The following PARD3B variants were observed in gnomAD, a reference collection of about 807,000 sequenced individuals.
PARD3B encodes the protein par-3 family cell polarity regulator beta.
In PARD3B, 103 loss-of-function variants were observed where a neutral mutation model predicts 130.2. The ratio of observed to expected loss-of-function variants is 0.79; its 90% CI spans 0.67 to 0.93. The LOEUF (loss-of-function observed/expected upper bound fraction) is 0.93. PARD3B is among the 40% of genes least tolerant of loss of function. The probability of loss-of-function intolerance (pLI) is 0.00; values close to 1 mark genes in which losing one functional copy is unlikely to be tolerated. For missense variants in PARD3B, 1,609 were observed against 1,499.2 expected (o/e 1.07, Z -1.21); for synonymous variants, 583 against 553.2 (o/e 1.05, Z -0.76).
At chr2:204,743,494 C>G (rs1409963889) in intron 2 of PARD3B, among the ~76,000 whole-genome samples, 1 of 152,048 alleles carries the variant, frequency 6.6e-6, no homozygotes, top group African/African-American at 2.4e-5. Flanking sequence ...GTGGCATTTA[C>G]TGGTAAGGTT....
Position 204,608,914 on chromosome 2 carries a change from G to A in PARD3B, c.120+62795G>A, listed in dbSNP as rs533102101. ...TGATTTAAAACAAAAGTGTGGGCCT[G>A]TGTCTTCAATAATCTGACTTTGTCT... On this transcript the variant is annotated intron_variant, in intron 1 of 22. Transcript: ENST00000406610. Among the ~76,000 whole-genome samples the A allele has an allele frequency of 4.6e-5, 7 of 152,286 alleles. No individual in the cohort carries two copies. In the South Asian group the frequency reaches 1.5e-3, roughly 32 times the overall value.
rs895597109 is a variant in PARD3B, at chr2:205,440,816, C to G, written c.3044+144C>G. ...CCCTAGACAAGTGCCATCCTTTGAC[C>G]GACCTGTAAGATATCCACCATCAAA... is the stretch of plus-strand genomic sequence containing the variant. On this transcript the variant is annotated intron_variant, in intron 20 of 22. Coordinates refer to ENST00000406610, the MANE Select transcript of PARD3B (RefSeq NM_001302769.2). The surrounding 1 kb of genome is among the most constrained non-coding windows in gnomAD (Gnocchi z 4.2). 1 of 828,134 alleles carries G rather than the reference C, an allele frequency of 1.2e-6. No individual in the cohort carries two copies. Among genetic ancestry groups the G allele is most frequent in the Non-Finnish European group, 1.8e-6 (1 of 540,902 alleles). The allele number at this position is 828,134 out of a possible 1,614,324, so 51.3% of individuals were successfully genotyped here.
At chr2:205,197,809 T>A (rs910667318) in intron 15 of PARD3B, among the ~76,000 whole-genome samples, 1 of 152,190 alleles carries the variant, frequency 6.6e-6, no homozygotes, top group African/African-American at 2.4e-5. Flanking sequence ...CCAGAATTAC[T>A]GTGTTCAGTC....
chr2:204,953,420 CAGAGAGAGAGAGAGAGAG>C (rs138644226), intron 2 of PARD3B, among the ~76,000 whole-genome samples: 134 of 123,318 alleles, frequency 1.1e-3, no homozygotes, highest in African/African-American at 2.9e-3. Flanking sequence ...TACACACACA[CAGAGAGAGAGAGAGAGAG>C]AGAGAGAGAG....
chr2:205,035,825 A>ATAGTGGGC (rs1559374275), intron 3 of PARD3B, among the ~76,000 whole-genome samples: 5 of 38,214 alleles, frequency 1.3e-4, no homozygotes, highest in African/African-American at 6.1e-4. Context: ...ATATATCTAT[A>ATAGTGGGC]TATCTATATA....
chr2:204,658,265 G>A (rs2035699607), intron 1 of PARD3B, among the ~76,000 whole-genome samples: 1 of 152,150 alleles, frequency 6.6e-6, no homozygotes, highest in African/African-American at 2.4e-5. Flanking sequence ...AACAGGTGGA[G>A]TGAGTTGCTT....
chr2:204,898,058 C>T (rs1251176493), intron 2 of PARD3B, among the ~76,000 whole-genome samples: 1 of 151,472 alleles, frequency 6.6e-6, no homozygotes, highest in Non-Finnish European at 1.5e-5. Context: ...GTACTTCACA[C>T]CAATACACTG....
At chr2:205,414,353 GA>G (rs2046703110) in intron 19 of PARD3B, among the ~76,000 whole-genome samples, 1 of 152,116 alleles carries the variant, frequency 6.6e-6, no homozygotes. Context: ...TCTCAGTAAA[GA>G]GAAGATATTC....
At chr2:205,111,618 A>G (rs1036848830) in intron 5 of PARD3B, among the ~76,000 whole-genome samples, 13 of 152,094 alleles carry the variant, frequency 8.5e-5, no homozygotes, top group Non-Finnish European at 1.5e-4. Flanking sequence ...GGTATTCTAA[A>G]AATTCTTAAG....
chr2:204,625,774 G>A (rs924598470), intron 1 of PARD3B, among the ~76,000 whole-genome samples: 11 of 152,008 alleles, frequency 7.2e-5, no homozygotes, highest in Non-Finnish European at 2.9e-5. Flanking sequence ...TCTATGAAAC[G>A]CTCATTTCAT....
intron 18 of PARD3B, among the ~76,000 whole-genome samples, chr2:205,334,035 C>T (rs1239655377): frequency 6.6e-6 from 1 of 152,040 alleles, no homozygotes; most frequent in African/African-American, 2.4e-5. Context: ...CCTCTTTTTC[C>T]TACCCCGTTA....
chr2:205,581,215 G>C (rs570301760), intron 22 of PARD3B, among the ~76,000 whole-genome samples: 1 of 121,314 alleles, frequency 8.2e-6, no homozygotes, highest in Non-Finnish European at 1.8e-5. Flanking sequence ...TGGATAAAGA[G>C]AATGTGGGGT....
At chr2:205,138,257 G>A (rs1204693230) in intron 10 of PARD3B, among the ~76,000 whole-genome samples, 3 of 152,080 alleles carry the variant, frequency 2.0e-5, no homozygotes, top group Non-Finnish European at 4.4e-5. Flanking sequence ...ATACAGTGTT[G>A]AAGATACAGA....
chr2:205,596,818 G>C (rs571840284), intron 22 of PARD3B, among the ~76,000 whole-genome samples: 1 of 152,092 alleles, frequency 6.6e-6, no homozygotes, highest in Non-Finnish European at 1.5e-5. Context: ...CTGCAATTGA[G>C]AGGGGTACCA....
At chr2:204,712,177 G>T (rs1426430003) in intron 2 of PARD3B, among the ~76,000 whole-genome samples, 2 of 152,136 alleles carry the variant, frequency 1.3e-5, no homozygotes, top group South Asian at 2.1e-4. Flanking sequence ...TGTTATGAAA[G>T]AAAATGATTA....
chr2:204,990,332 T>C (rs1422241552), intron 3 of PARD3B, among the ~76,000 whole-genome samples: 1 of 152,076 alleles, frequency 6.6e-6, no homozygotes, highest in East Asian at 1.9e-4. Context: ...ATGCATACAA[T>C]GCATAATGAT....
chr2:204,991,734 A>G (rs1693700688), intron 3 of PARD3B, among the ~76,000 whole-genome samples: 1 of 151,716 alleles, frequency 6.6e-6, no homozygotes, highest in African/African-American at 2.4e-5. Context: ...CCTCTCCAGC[A>G]CCTGTGGTTT....
chr2:204,626,116 A>G (rs2034478143), intron 1 of PARD3B, among the ~76,000 whole-genome samples: 1 of 152,156 alleles, frequency 6.6e-6, no homozygotes, highest in South Asian at 2.1e-4. Flanking sequence ...AAAATTTGGT[A>G]GGTGAACAAT....
At chr2:205,186,541 C>G (rs1196869129) in intron 14 of PARD3B, among the ~76,000 whole-genome samples, 2 of 152,018 alleles carry the variant, frequency 1.3e-5, no homozygotes, top group Non-Finnish European at 2.9e-5. Flanking sequence ...GTATTTTATT[C>G]CATTCTGTGT....
Sources: gnomAD v4.1 joint callset for allele counts (sites outside exome capture counted in the v4.1 genomes callset) on GRCh38, gnomAD v4.1.1 for gene constraint, Gnocchi (gnomAD v3.1) non-coding constraint, MANE v1.5 for transcripts, NCBI Gene and HGNC (gene_info 2026-07-23, HGNC 2026-07-21) for gene names.